The following LDB2 variants were observed in gnomAD, a reference collection of about 807,000 sequenced individuals.
LDB2 encodes the protein LIM domain binding 2, also known as LIM domain-binding protein 2.
In LDB2, 12 loss-of-function variants were observed where a neutral mutation model predicts 44.3. The ratio of observed to expected loss-of-function variants is 0.27; its 90% confidence interval spans 0.17 to 0.44. The LOEUF (loss-of-function observed/expected upper bound fraction) is 0.44. LDB2 is among the 20% of genes least tolerant of loss of function. The pLI is 1.00. For synonymous variants in LDB2, 164 were observed against 174.8 expected (o/e 0.94, Z 0.49); for missense variants, 344 against 473.5 (o/e 0.73, Z 2.54).
chr4:16,843,527 T>C (rs1786303199), intron 1 of LDB2, among the ~76,000 whole-genome samples: 1 of 152,210 alleles, frequency 6.6e-6, no homozygotes, highest in African/African-American at 2.4e-5. Context: ...ATATGAGATA[T>C]TTTAAACCTA....
intron 2 of LDB2, among the ~76,000 whole-genome samples, chr4:16,681,773 G>T (rs113821959): frequency 6.6e-6 from 1 of 151,664 alleles, no homozygotes; most frequent in Non-Finnish European, 1.5e-5. Flanking sequence ...GGGTTTCACC[G>T]TGTTAGCCAG....
At chr4:16,531,567 T>C (rs1377435027) in intron 5 of LDB2, among the ~76,000 whole-genome samples, 1 of 152,240 alleles carries the variant, frequency 6.6e-6, no homozygotes, top group Non-Finnish European at 1.5e-5. Context: ...CTGTTCTTCC[T>C]TTTGATGATG....
chr4:16,645,011 C>T (rs952752415), intron 2 of LDB2, among the ~76,000 whole-genome samples: 1 of 152,172 alleles, frequency 6.6e-6, no homozygotes. Context: ...AACAGAAAAA[C>T]TCTTACTATT....
At chr4:16,521,021 G>A (rs187788753) in intron 5 of LDB2, among the ~76,000 whole-genome samples, 21 of 152,248 alleles carry the variant, frequency 1.4e-4, no homozygotes, top group Non-Finnish European at 2.4e-4. Context: ...CTGCATGGCA[G>A]GAGACAAGCC....
At chr4:16,648,240 A>T (rs1737312898) in intron 2 of LDB2, among the ~76,000 whole-genome samples, 1 of 152,188 alleles carries the variant, frequency 6.6e-6, no homozygotes, top group South Asian at 2.1e-4. Flanking sequence ...GGCTACCTAC[A>T]ACTTTAGCCC....
chr4:16,638,542 G>C (rs961612763), intron 2 of LDB2, among the ~76,000 whole-genome samples: 2 of 152,186 alleles, frequency 1.3e-5, no homozygotes, highest in Non-Finnish European at 2.9e-5. Context: ...CTTCAAAAAT[G>C]AAATGGAGAT....
At chr4:16,581,882 G>GT (rs1052264692) in intron 5 of LDB2, among the ~76,000 whole-genome samples, 18 of 150,848 alleles carry the variant, frequency 1.2e-4, no homozygotes, top group African/African-American at 4.4e-4. Flanking sequence ...TATGGATGCT[G>GT]TGAGTATTTA....
At chr4:16,834,239 T>G (rs1272866759) in intron 1 of LDB2, among the ~76,000 whole-genome samples, 1 of 152,190 alleles carries the variant, frequency 6.6e-6, no homozygotes, top group Non-Finnish European at 1.5e-5. Flanking sequence ...ATTAATGAAT[T>G]GTGTATAAAT....
intron 2 of LDB2, among the ~76,000 whole-genome samples, chr4:16,659,482 C>G (rs191716703): frequency 1.3e-5 from 2 of 152,032 alleles, no homozygotes; most frequent in African/African-American, 4.8e-5. Flanking sequence ...TTGCTCATAA[C>G]TCAAAGACCA....
At chr4:16,766,239 C>T (rs1382116915) in intron 1 of LDB2, among the ~76,000 whole-genome samples, 1 of 151,906 alleles carries the variant, frequency 6.6e-6, no homozygotes, top group East Asian at 1.9e-4. Context: ...TATTAATATA[C>T]ATGCATGATT....
At chr4:16,632,622 G>A (rs1460964014) in intron 2 of LDB2, among the ~76,000 whole-genome samples, 2 of 152,154 alleles carry the variant, frequency 1.3e-5, no homozygotes, top group African/African-American at 4.8e-5. Flanking sequence ...TATTCAAATA[G>A]GAAGAGAGGA....
At chr4:16,722,625 ATTC>A (rs1353296357) in intron 2 of LDB2, among the ~76,000 whole-genome samples, 3 of 152,058 alleles carry the variant, frequency 2.0e-5, no homozygotes, top group Non-Finnish European at 4.4e-5. Context: ...TATGGTTTAA[ATTC>A]TTCTCTCGGC....
chr4:16,846,730 T>C (rs1027551664), intron 1 of LDB2, among the ~76,000 whole-genome samples: 4 of 152,210 alleles, frequency 2.6e-5, no homozygotes, highest in African/African-American at 9.6e-5. Flanking sequence ...ATTAATTCTG[T>C]CATGTCATTT....
intron 2 of LDB2, among the ~76,000 whole-genome samples, chr4:16,611,536 A>C (rs374329417): frequency 0.23 from 2,664 of 11,744 alleles, 35 homozygotes; most frequent in South Asian, 0.44. Flanking sequence ...AAGCAAATGG[A>C]AAGAAAAAAA....
chr4:16,619,001 C>T (rs997000854), intron 2 of LDB2, among the ~76,000 whole-genome samples: 11 of 152,034 alleles, frequency 7.2e-5, no homozygotes, highest in South Asian at 2.1e-4. Context: ...GCTTCCCCTT[C>T]GACTTTCGCC....
At chr4:16,755,503 G>GTGTT (rs1766364480) in intron 2 of LDB2, among the ~76,000 whole-genome samples, 1 of 98,790 alleles carries the variant, frequency 1.0e-5, no homozygotes, top group African/African-American at 3.5e-5. Flanking sequence ...GTGTGTGTGT[G>GTGTT]TGTGTGTGTG....
chr4:16,522,249 T>A (rs1404328693), intron 5 of LDB2, among the ~76,000 whole-genome samples: 1 of 149,114 alleles, frequency 6.7e-6, no homozygotes, highest in Non-Finnish European at 1.5e-5. Flanking sequence ...TAAAATTGTA[T>A]AGATATTCCC....
intron 1 of LDB2, among the ~76,000 whole-genome samples, chr4:16,813,641 T>A (rs1327838335): frequency 6.6e-6 from 1 of 152,130 alleles, no homozygotes; most frequent in Non-Finnish European, 1.5e-5. Flanking sequence ...TCCCCCCAAC[T>A]GTCTGGTGAG....
intron 5 of LDB2, among the ~76,000 whole-genome samples, chr4:16,585,505 G>T (rs906670774): frequency 1.3e-5 from 2 of 152,164 alleles, no homozygotes; most frequent in African/African-American, 4.8e-5. Flanking sequence ...GCACGGGATT[G>T]GATTTCTTCA....
Sources: gnomAD v4.1 joint callset for allele counts (sites outside exome capture counted in the v4.1 genomes callset) on GRCh38, gnomAD v4.1.1 for gene constraint, MANE v1.5 for transcripts, NCBI Gene and HGNC (gene_info 2026-07-23, HGNC 2026-07-21) for gene names.